The following PTPRD variants were observed in gnomAD, a reference collection of about 807,000 sequenced individuals.
PTPRD encodes the protein protein tyrosine phosphatase receptor type D.
A neutral mutation model predicts 214.5 loss-of-function variants in PTPRD; 34 were observed. The ratio of observed to expected loss-of-function variants is 0.16; its 90% CI spans 0.12 to 0.21. The LOEUF (loss-of-function observed/expected upper bound fraction) is 0.21, where lower values mean the gene tolerates loss of function less well. PTPRD is among the 10% of genes least tolerant of loss of function. The pLI is 1.00. For missense variants in PTPRD, 2,545 were observed against 2,398.7 expected, an observed-to-expected ratio of 1.06 and a Z score of -1.27; for synonymous variants, 1,128 against 845.7, an observed-to-expected ratio of 1.33 and a Z score of -5.79.
intron 4 of PTPRD, among the ~76,000 whole-genome samples, chr9:9,994,998 A>C (rs566607532): frequency 2.9e-4 from 44 of 152,210 alleles, no homozygotes; most frequent in African/African-American, 1.1e-3. Context: ...AAACAGGTAC[A>C]TTTACATATA....
At chr9:8,442,298 T>C (rs1012366806) in intron 34 of PTPRD, among the ~76,000 whole-genome samples, 1 of 152,226 alleles carries the variant, frequency 6.6e-6, no homozygotes, top group Non-Finnish European at 1.5e-5. Context: ...CTTCAAATGA[T>C]TTTATTATCC....
intron 7 of PTPRD, among the ~76,000 whole-genome samples, chr9:9,630,691 C>T (rs750240705): frequency 8.5e-5 from 13 of 152,104 alleles, no homozygotes; most frequent in Non-Finnish European, 1.6e-4. Context: ...GTATTCCCCT[C>T]TTATATTCCA....
intron 11 of PTPRD, among the ~76,000 whole-genome samples, chr9:8,919,363 G>A (rs2098809256): frequency 6.9e-6 from 1 of 145,096 alleles, no homozygotes; most frequent in Non-Finnish European, 1.5e-5. Context: ...CTGGATTCCA[G>A]CCTGTGGGAC....
intron 3 of PTPRD, among the ~76,000 whole-genome samples, chr9:10,202,990 G>A (rs867856284): frequency 2.0e-5 from 3 of 151,714 alleles, no homozygotes; most frequent in South Asian, 2.1e-4. Context: ...CCCAGACAAC[G>A]GTATTCTGTT....
chr9:9,955,684 C>T (rs1000374076), intron 4 of PTPRD, among the ~76,000 whole-genome samples: 24 of 151,918 alleles, frequency 1.6e-4, no homozygotes, highest in African/African-American at 5.1e-4. Context: ...CCACCATGCC[C>T]GACTAATTTT....
intron 7 of PTPRD, among the ~76,000 whole-genome samples, chr9:9,724,657 T>C (rs897569574): frequency 2.0e-5 from 3 of 152,108 alleles, no homozygotes; most frequent in Non-Finnish European, 4.4e-5. Context: ...TAGATCAAAA[T>C]GTGAAGGATG....
intron 9 of PTPRD, among the ~76,000 whole-genome samples, chr9:9,255,474 T>A (rs1434190397): frequency 6.6e-6 from 1 of 152,042 alleles, no homozygotes; most frequent in Non-Finnish European, 1.5e-5. Context: ...TAATGCTCTA[T>A]CTCTAAAACC....
intron 7 of PTPRD, among the ~76,000 whole-genome samples, chr9:9,578,090 T>TATA (rs1187089941): frequency 8.1e-5 from 12 of 147,374 alleles, no homozygotes; most frequent in African/African-American, 3.0e-4. Flanking sequence ...GATATACTTC[T>TATA]CTCATTTGTA....
intron 11 of PTPRD, among the ~76,000 whole-genome samples, chr9:9,005,075 T>C (rs965522691): frequency 5.3e-5 from 8 of 152,120 alleles, no homozygotes; most frequent in African/African-American, 1.7e-4. Flanking sequence ...ATATTTTGAA[T>C]GGACCTTCAG....
intron 7 of PTPRD, among the ~76,000 whole-genome samples, chr9:9,681,436 T>C (rs2097068356): frequency 6.6e-6 from 1 of 151,730 alleles, no homozygotes. Flanking sequence ...TGAGTAAATA[T>C]TGGCCCCAAG....
rs111878845 is a variant in PTPRD, at chr9:9,072,578, A to T, written c.-142-53843T>A. Among the ~76,000 whole-genome samples, 1,127 of 152,282 alleles carry T rather than the reference A, an allele frequency of 7.4e-3. 23 individuals carry two copies. Among genetic ancestry groups the T allele is most frequent in the African/African-American group, 0.026 (1,065 of 41,546 alleles). On this transcript the variant is annotated intron_variant, in intron 10 of 45. Coordinates refer to ENST00000381196, the MANE Select transcript of PTPRD (RefSeq NM_002839.4). Reference sequence around the variant, plus strand: ...ATACCCCACTAATTATACTTTTATAAAAATATTTCTTCATCTACAGAGCAC... The same window carrying T: ...ATACCCCACTAATTATACTTTTATATAAATATTTCTTCATCTACAGAGCAC...
chr9:10,252,181 T>C (rs2092834879), intron 3 of PTPRD, among the ~76,000 whole-genome samples: 1 of 127,040 alleles, frequency 7.9e-6, no homozygotes, highest in Non-Finnish European at 1.8e-5. Context: ...CTATGTCTTC[T>C]TTCTTTGAAG....
chr9:9,726,919 C>T (rs369521730), intron 7 of PTPRD, among the ~76,000 whole-genome samples: 1 of 151,938 alleles, frequency 6.6e-6, no homozygotes, highest in African/African-American at 2.4e-5. Context: ...GTTCTGAGTA[C>T]CCAAGGTTTT....
rs561116080 is a variant in PTPRD at position 9,897,989 on chromosome 9, T to TA, written c.-368+40517_-368+40518insT. On this transcript the variant is annotated intron_variant, in intron 5 of 45. Transcript: ENST00000381196. ...GTAAGCATGGCTATGTTTAAATAAATCTTTACTTATAAAAACAGGTGGCTT... is the reference window on the plus strand; with the variant it reads ...GTAAGCATGGCTATGTTTAAATAAATACTTTACTTATAAAAACAGGTGGCTT... Among the ~76,000 whole-genome samples the TA allele has an allele frequency of 1.8e-3, 269 of 151,850 alleles. 2 individuals are homozygous for TA. The highest frequency in any genetic ancestry group is 6.3e-3 in the African/African-American group (261 of 41,556).
chr9:9,593,287 T>A (rs1030159214), intron 7 of PTPRD, among the ~76,000 whole-genome samples: 12 of 151,118 alleles, frequency 7.9e-5, no homozygotes, highest in African/African-American at 2.9e-4. Flanking sequence ...CTATTTTTTA[T>A]GGAAACTTAA....
chr9:9,571,949 T>C (rs1189210906), intron 8 of PTPRD, among the ~76,000 whole-genome samples: 1 of 151,220 alleles, frequency 6.6e-6, no homozygotes, highest in Non-Finnish European at 1.5e-5. Context: ...TGTAAAAGTT[T>C]AAACGATATT....
chr9:8,688,509 G>A (rs551806928), intron 12 of PTPRD, among the ~76,000 whole-genome samples: 1 of 150,614 alleles, frequency 6.6e-6, no homozygotes, highest in Non-Finnish European at 1.5e-5. Context: ...AGCTTGCAGT[G>A]AGCCGAGATC....
chr9:9,407,726 C>T (rs1346675914), intron 8 of PTPRD, among the ~76,000 whole-genome samples: 1 of 151,710 alleles, frequency 6.6e-6, no homozygotes, highest in Non-Finnish European at 1.5e-5. Context: ...CAGAGTATCT[C>T]CCTCACATGA....
intron 2 of PTPRD, among the ~76,000 whole-genome samples, chr9:10,403,227 AATATATATATATATAT>A (rs58712564): frequency 0.013 from 776 of 59,888 alleles, 37 homozygotes; most frequent in African/African-American, 0.042. Flanking sequence ...TGTGTGTGTA[AATATATATATATATAT>A]ATATATATAT....
Sources: gnomAD v4.1 joint callset for allele counts (sites outside exome capture counted in the v4.1 genomes callset) on GRCh38, gnomAD v4.1.1 for gene constraint, MANE v1.5 for transcripts, NCBI Gene and HGNC (gene_info 2026-07-23, HGNC 2026-07-21) for gene names.